TMEM255B: variants seen among roughly 807,000 people sequenced by gnomAD.
TMEM255B encodes transmembrane protein 255B, also known as family with sequence similarity 70, member B.
TMEM255B carries 35 observed loss-of-function variants against 34.5 expected under a neutral mutation model. That is an observed-to-expected ratio of 1.01 (90% CI 0.77 to 1.34). The LOEUF is 1.34. TMEM255B is among the 40% of genes most tolerant of loss of function. TMEM255B has a pLI of 0.00. For synonymous variants in TMEM255B, 206 were observed against 201.2 expected, an observed-to-expected ratio of 1.02 and a Z score of -0.20; for missense variants, 432 against 433.2, an observed-to-expected ratio of 1.00 and a Z score of 0.02.
chr13:113,797,807 T>C (rs2050968667), intron 4 of TMEM255B, among the ~76,000 whole-genome samples: 2 of 152,250 alleles, frequency 1.3e-5, no homozygotes, highest in Admixed American at 1.3e-4. Context: ...ACGTGGGCAA[T>C]GTGACCCTAG....
At chr13:113,761,767 C>T (rs2050312230) in intron 1 of TMEM255B, among the ~76,000 whole-genome samples, 1 of 152,200 alleles carries the variant, frequency 6.6e-6, no homozygotes, top group Non-Finnish European at 1.5e-5. Flanking sequence ...GCAGGTGGTT[C>T]TCATGATTTC....
intron 4 of TMEM255B, among the ~76,000 whole-genome samples, chr13:113,796,188 GAGCACAC>G (rs1280044556): frequency 2.7e-5 from 3 of 109,410 alleles, no homozygotes; most frequent in South Asian, 3.1e-4. Context: ...ACAACACACA[GAGCACAC>G]AGCACACAAC....
chr13:113,812,193 T>G lies in TMEM255B; in HGVS notation c.*290T>G. On this transcript the variant is annotated 3_prime_UTR_variant, in exon 9 of 9. Coordinates refer to ENST00000375353, the MANE Select transcript of TMEM255B (RefSeq NM_182614.4). ...TCTGAGAGCAATTGTTCTGGTGTTT[T>G]CACATCCCTTAATTAATTAGCTATT... The G allele has an allele frequency of 2.1e-6, 1 of 473,090 alleles. No homozygotes were observed. The allele number at this position is 473,090 out of a possible 1,614,324, so 29.3% of individuals were successfully genotyped here.
At position 113,777,729 on chromosome 13, in the gene TMEM255B, G is replaced by A. The variant is rs185418352; in HGVS notation, c.252+8569G>A. ...CTTGTCCTAAGGAGGGGGATGAGCC[G>A]TCTCCCTAGGTCATGGGGGGAGCGA... On this transcript the variant is annotated intron_variant, in intron 3 of 8. Coordinates refer to ENST00000375353, the MANE Select transcript of TMEM255B (RefSeq NM_182614.4). 1.6e-4 allele frequency among the ~76,000 whole-genome samples: 24 copies of A among 152,316 alleles called. No individual in the cohort carries two copies. The East Asian group carries it at 3.9e-3, about 25-fold the overall frequency.
At chr13:113,786,332 CCCATCA>C (rs2050740258) in intron 3 of TMEM255B, among the ~76,000 whole-genome samples, 1 of 151,586 alleles carries the variant, frequency 6.6e-6, no homozygotes, top group African/African-American at 2.4e-5. Context: ...CATCACCATC[CCCATCA>C]CCATCACTGT....
At position 113,812,064 on chromosome 13, in the gene TMEM255B, G is replaced by A; in HGVS notation, c.*161G>A. The A allele has an allele frequency of 2.1e-6, 2 of 971,376 alleles. No homozygotes were observed. Among genetic ancestry groups the A allele is most frequent in the African/African-American group, 1.7e-5 (1 of 60,064 alleles). 60.2% of individuals were successfully genotyped at this position (971,376 alleles called of 1,614,324 possible). ...CCTGGGCACACTGGTGAGGGAGGCTGGAACCAGGCAGGGAGTGGGGCCCTC... is the reference window on the plus strand; with the variant it reads ...CCTGGGCACACTGGTGAGGGAGGCTAGAACCAGGCAGGGAGTGGGGCCCTC... On this transcript the variant is annotated 3_prime_UTR_variant, in exon 9 of 9. Transcript: ENST00000375353.
At chr13:113,764,142 TGGGACACG>T in intron 1 of TMEM255B, among the ~76,000 whole-genome samples, 1 of 151,480 alleles carries the variant, frequency 6.6e-6, no homozygotes, top group East Asian at 1.9e-4. Flanking sequence ...GGCGTGGGCG[TGGGACACG>T]GGGACACGGG....
At chr13:113,779,002 C>G (rs1228265515) in intron 3 of TMEM255B, among the ~76,000 whole-genome samples, 3 of 152,206 alleles carry the variant, frequency 2.0e-5, no homozygotes, top group Non-Finnish European at 4.4e-5. Context: ...GGAGTGTTCT[C>G]TCTTACAGAC....
chr13:113,811,084 G>A (rs867242407), intron 8 of TMEM255B, among the ~76,000 whole-genome samples: 3 of 152,078 alleles, frequency 2.0e-5, no homozygotes, highest in Admixed American at 1.3e-4. Context: ...GTGAGGCCCC[G>A]GCCACCCTCT....
In TMEM255B at chr13:113,759,511, C is replaced by T. The variant is rs141676293; in HGVS notation, c.46+196C>T. ...CACTGGGGTCGGGCGTTCGTCCTACCGGTTCGTTCATTCATTCTCTCTCCC... is the reference window on the plus strand; with the variant it reads ...CACTGGGGTCGGGCGTTCGTCCTACTGGTTCGTTCATTCATTCTCTCTCCC... On this transcript the variant is annotated intron_variant, in intron 1 of 8. Transcript: ENST00000375353. 1.2e-3 allele frequency among the ~76,000 whole-genome samples: 181 copies of T among 152,316 alleles called. 1 individual carries two copies. Among genetic ancestry groups the T allele is most frequent in the East Asian group, 2.5e-3 (13 of 5,180 alleles).
chr13:113,765,985 G>A, intron 1 of TMEM255B, 130 bp from the exon 2 acceptor site: 1 of 1,197,710 alleles, frequency 8.3e-7, no homozygotes. Context: ...CCCCTGAGGT[G>A]GGCCTGGAGG....
intron 2 of TMEM255B, chr13:113,766,531 C>A: frequency 1.9e-6 from 1 of 527,142 alleles, no homozygotes; most frequent in Non-Finnish European, 3.5e-6. Context: ...TGGGTTGGCC[C>A]GATGTGGTCA....
chr13:113,776,468 C>T (rs372428922), intron 3 of TMEM255B, among the ~76,000 whole-genome samples: 2 of 152,222 alleles, frequency 1.3e-5, no homozygotes, highest in African/African-American at 2.4e-5. Flanking sequence ...CAGCTACGTC[C>T]AGCCCAGACA....
intron 3 of TMEM255B, among the ~76,000 whole-genome samples, chr13:113,774,573 GACAC>G (rs147427955): frequency 0.19 from 25,351 of 136,392 alleles, 2,398 homozygotes; most frequent in African/African-American, 0.3. Flanking sequence ...CAACACACAT[GACAC>G]ACACACCACA....
chr13:113,759,943 G>C (rs1409069347), intron 1 of TMEM255B, among the ~76,000 whole-genome samples: 2 of 152,214 alleles, frequency 1.3e-5, no homozygotes, highest in South Asian at 4.1e-4. Context: ...GAAACCTGTT[G>C]CGTGTTCACC....
At chr13:113,776,838 GCTC>G (rs2050587399) in intron 3 of TMEM255B, among the ~76,000 whole-genome samples, 2 of 152,190 alleles carry the variant, frequency 1.3e-5, no homozygotes, top group African/African-American at 2.4e-5. Context: ...AGCAGGAAAA[GCTC>G]CTCCTCGTTC....
chr13:113,771,403 C>G (rs557801228), intron 3 of TMEM255B, among the ~76,000 whole-genome samples: 1 of 152,130 alleles, frequency 6.6e-6, no homozygotes, highest in African/African-American at 2.4e-5. Flanking sequence ...CTATATGGGC[C>G]GGACACGGTG....
At chr13:113,759,405 C>A in intron 1 of TMEM255B, 90 bp downstream of exon 1, 2 of 1,155,712 alleles carry the variant, frequency 1.7e-6, no homozygotes, top group Non-Finnish European at 2.2e-6. Flanking sequence ...CCGGCCCGGG[C>A]GGAACCTGCG....
At chr13:113,784,548 A>T (rs2050711705) in intron 3 of TMEM255B, among the ~76,000 whole-genome samples, 1 of 152,026 alleles carries the variant, frequency 6.6e-6, no homozygotes, top group African/African-American at 2.4e-5. Flanking sequence ...GAAGAAGAAG[A>T]AGAAGAAGGA....
Sources: allele counts gnomAD v4.1 joint callset (sites outside exome capture counted in the v4.1 genomes callset), GRCh38; gene constraint gnomAD v4.1.1; transcripts MANE v1.5; gene names NCBI Gene and HGNC (gene_info 2026-07-23, HGNC 2026-07-21).